The following MTA3 variants were observed in gnomAD, a reference collection of about 807,000 sequenced individuals.
MTA3 encodes the protein metastasis associated 1 family member 3.
Under a neutral mutation model 83.5 loss-of-function variants are expected in MTA3, and 34 were observed. That is an observed-to-expected ratio of 0.41 (90% confidence interval 0.31 to 0.54). MTA3 has a LOEUF of 0.54. Ranked by LOEUF, MTA3 falls within the 20% of genes least tolerant of loss-of-function variation. MTA3 has a pLI of 0.33. For synonymous variants in MTA3, 303 were observed against 252.7 expected (o/e 1.20, Z -1.89); for missense variants, 761 against 726.4 (o/e 1.05, Z -0.55).
At chr2:42,702,241 TA>T (rs747829519) in intron 11 of MTA3, 5 of 152,198 alleles carry the variant, frequency 3.3e-5, no homozygotes, top group Non-Finnish European at 4.4e-5. Context: ...AAAATAAAAA[TA>T]AAAACCAATT....
intron 8 of MTA3, among the ~76,000 whole-genome samples, chr2:42,681,909 A>G (rs1368981274): frequency 6.6e-6 from 1 of 152,002 alleles, no homozygotes; most frequent in Non-Finnish European, 1.5e-5. Flanking sequence ...AAAGAAAAAA[A>G]AAAGGTAAAT....
intron 2 of MTA3, among the ~76,000 whole-genome samples, chr2:42,551,229 C>T (rs1332674598): frequency 6.6e-6 from 1 of 151,736 alleles, no homozygotes; most frequent in Non-Finnish European, 1.5e-5. Context: ...CTTGCTCTGT[C>T]GCCCAGGCTG....
At chr2:42,642,241 T>C (rs571232873) in intron 5 of MTA3, among the ~76,000 whole-genome samples, 4 of 152,324 alleles carry the variant, frequency 2.6e-5, no homozygotes, top group African/African-American at 7.2e-5. Context: ...AAGCAACTTA[T>C]ATGACCCAAA....
intron 9 of MTA3, among the ~76,000 whole-genome samples, chr2:42,683,186 T>A (rs891160116): frequency 1.3e-5 from 2 of 152,236 alleles, no homozygotes; most frequent in Non-Finnish European, 2.9e-5. Context: ...CAAGTTAAAA[T>A]CTGGTCAGCT....
chr2:42,660,994 A>G (rs1689640830), intron 8 of MTA3, among the ~76,000 whole-genome samples: 1 of 152,082 alleles, frequency 6.6e-6, no homozygotes, highest in African/African-American at 2.4e-5. Flanking sequence ...CTTGTTTCTT[A>G]TGCATTTTGT....
chr2:42,554,290 A>G (rs1367929114), intron 2 of MTA3, among the ~76,000 whole-genome samples: 2 of 152,180 alleles, frequency 1.3e-5, no homozygotes, highest in Non-Finnish European at 2.9e-5. Flanking sequence ...CTCCTCTTCC[A>G]TTGGATGGTG....
chr2:42,751,985 A>G (rs1191991225), intron 16 of MTA3, among the ~76,000 whole-genome samples: 2 of 152,170 alleles, frequency 1.3e-5, no homozygotes, highest in African/African-American at 2.4e-5. Context: ...ACTTGACACA[A>G]ATTAAGGTCT....
At chr2:42,725,122 T>C (rs1667719159) in intron 16 of MTA3, among the ~76,000 whole-genome samples, 1 of 152,224 alleles carries the variant, frequency 6.6e-6, no homozygotes, top group African/African-American at 2.4e-5. Flanking sequence ...CTTTACTGAG[T>C]TCTCTCATTT....
intron 16 of MTA3, among the ~76,000 whole-genome samples, chr2:42,742,857 AT>A (rs1170761413): frequency 6.6e-6 from 1 of 152,206 alleles, no homozygotes; most frequent in East Asian, 1.9e-4. Flanking sequence ...TAAAAATATG[AT>A]TTTTAAAATA....
chr2:42,524,977 CTTTAAG>C (rs964663080), intron 2 of MTA3, among the ~76,000 whole-genome samples: 14 of 140,220 alleles, frequency 1.0e-4, no homozygotes, highest in Non-Finnish European at 1.8e-4. Context: ...TTTTTTTATA[CTTTAAG>C]TTTTAGGGTA....
intron 9 of MTA3, among the ~76,000 whole-genome samples, chr2:42,690,856 T>TTTTTTTTATTTATTTA (rs1420663050): frequency 7.3e-6 from 1 of 136,112 alleles, no homozygotes; most frequent in Non-Finnish European, 1.6e-5. Flanking sequence ...TGTATTTTTA[T>TTTTTTTTATTTATTTA]TTTATTTATT....
intron 16 of MTA3, among the ~76,000 whole-genome samples, chr2:42,726,770 A>T (rs531836547): frequency 6.6e-6 from 1 of 152,296 alleles, no homozygotes; most frequent in African/African-American, 2.4e-5. Context: ...AAGGCCTTTT[A>T]AAGAAAGGCC....
In MTA3 at chr2:42,579,121, C is replaced by T. The variant is rs540030009; in HGVS notation, c.111C>T (p.Asn37=). 4.4e-6 allele frequency: 7 copies of T among 1,604,932 alleles called. No homozygotes were observed. The highest frequency in any genetic ancestry group is 1.3e-5 in the African/African-American group (1 of 74,762). The stretch of plus-strand genomic sequence containing the variant: ...TTATCTCTTAGACTGCAAGTGGCAA[C>T]GTGGAAGCAAAAGTAGTATGCTTTT... ...IEELNKTASG[N]VEAKVVCFYR... The change falls in exon 3 of 17, where the codon AAC becomes AAT. Residue 37 remains asparagine (N), a synonymous_variant. Coordinates refer to ENST00000405094, the MANE Select transcript of MTA3 (RefSeq NM_001330442.2).
At chr2:42,732,781 A>C (rs145604622) in intron 16 of MTA3, among the ~76,000 whole-genome samples, 1 of 152,244 alleles carries the variant, frequency 6.6e-6, no homozygotes, top group African/African-American at 2.4e-5. Flanking sequence ...TTTTTCTGCC[A>C]GATATGCTAA....
chr2:42,743,729 G>A (rs1669204626), intron 16 of MTA3, among the ~76,000 whole-genome samples: 1 of 152,124 alleles, frequency 6.6e-6, no homozygotes, highest in African/African-American at 2.4e-5. Flanking sequence ...TCTGAAATCA[G>A]TGATTCAACA....
intron 8 of MTA3, among the ~76,000 whole-genome samples, chr2:42,672,885 C>A (rs1365308677): frequency 3.0e-4 from 44 of 148,416 alleles, no homozygotes; most frequent in African/African-American, 9.6e-4. Flanking sequence ...CTGCCTCTGT[C>A]ACCCAGGCTG....
At chr2:42,610,790 A>G (rs534854039) in intron 4 of MTA3, among the ~76,000 whole-genome samples, 5 of 152,092 alleles carry the variant, frequency 3.3e-5, no homozygotes, top group African/African-American at 1.2e-4. Context: ...CATAGGGTGT[A>G]TGAAAGCAGC....
chr2:42,552,235 G>A (rs7574511), intron 2 of MTA3, among the ~76,000 whole-genome samples: 2,081 of 152,318 alleles, frequency 0.014, 49 homozygotes, highest in African/African-American at 0.047. Flanking sequence ...TCAGACCAGT[G>A]TGGCTGAGCA....
At chr2:42,597,375 C>CTTTTTTTTTTTTTTTTTTTTT (rs35943826) in intron 3 of MTA3, among the ~76,000 whole-genome samples, 1 of 108,456 alleles carries the variant, frequency 9.2e-6, no homozygotes, top group African/African-American at 3.7e-5. Context: ...GACAAGTTAT[C>CTTTTTTTTTTTTTTTTTTTTT]TTTTTTTTTT....
Sources: allele counts gnomAD v4.1 joint callset (sites outside exome capture counted in the v4.1 genomes callset), GRCh38; gene constraint gnomAD v4.1.1; transcripts MANE v1.5; gene names NCBI Gene and HGNC (gene_info 2026-07-23, HGNC 2026-07-21).